Variants in GABRB3 observed in about 807,000 individuals in gnomAD.
The protein encoded by GABRB3 is gamma-aminobutyric acid receptor subunit beta-3.
Under a neutral mutation model 52.1 loss-of-function variants are expected in GABRB3, and 14 were observed. That is an observed-to-expected ratio of 0.27 (90% CI 0.18 to 0.42). The LOEUF (loss-of-function observed/expected upper bound fraction) is 0.42, where lower values mean the gene tolerates loss of function less well. Ranked by LOEUF, GABRB3 falls within the 10% of genes least tolerant of loss-of-function variation. The pLI, the probability that GABRB3 is intolerant of heterozygous loss-of-function variation, is 1.00. For missense variants in GABRB3, 307 were observed against 609.1 expected (o/e 0.50, Z 5.22); for synonymous variants, 260 against 232.3 (o/e 1.12, Z -1.08).
rs775267836 is a variant in GABRB3, at chr15:26,772,794, C to T, written c.81-22G>A. On this transcript the variant is annotated intron_variant, in intron 1 of 8. Transcript: ENST00000311550. ...CACACTGGGGGAGGGACGGGGAGCACAAAGAGCGGGGTCAGGGGCGGCTCA... is the reference window on the plus strand; with the variant it reads ...CACACTGGGGGAGGGACGGGGAGCATAAAGAGCGGGGTCAGGGGCGGCTCA... The T allele has an allele frequency of 5.9e-6, 9 of 1,519,866 alleles. No homozygotes were observed. In the South Asian group the frequency reaches 9.7e-5, roughly 16 times the overall value. The allele number at this position is 1,519,866 out of a possible 1,614,324, so 94.1% of individuals were successfully genotyped here. A position where few individuals can be genotyped will look rare whatever the true frequency, so the allele number is the denominator to read the frequency against.
chr15:26,640,726 T>C (rs1183293302), intron 3 of GABRB3, among the ~76,000 whole-genome samples: 1 of 152,236 alleles, frequency 6.6e-6, no homozygotes, highest in Non-Finnish European at 1.5e-5. Flanking sequence ...ATGTTTCTCA[T>C]TCCTTTGCAG....
chr15:26,664,690 C>CTT (rs1458045917), intron 3 of GABRB3, among the ~76,000 whole-genome samples: 2 of 114,980 alleles, frequency 1.7e-5, no homozygotes, highest in Admixed American at 9.0e-5. Context: ...CTTATCATTT[C>CTT]TTTTCTTTTC....
At chr15:26,604,358 T>C (rs1461332830) in intron 4 of GABRB3, among the ~76,000 whole-genome samples, 2 of 152,160 alleles carry the variant, frequency 1.3e-5, no homozygotes, top group African/African-American at 2.4e-5. Context: ...AATCTACAGA[T>C]TCAATGTAAT....
At chr15:26,684,641 G>A (rs1046818837) in intron 3 of GABRB3, among the ~76,000 whole-genome samples, 2 of 152,100 alleles carry the variant, frequency 1.3e-5, no homozygotes, top group Non-Finnish European at 2.9e-5. Context: ...CCATGGTAGG[G>A]TTATTAACTG....
Position 26,669,395 on chromosome 15 carries a change from A to G in GABRB3, c.241-47861T>C, listed in dbSNP as rs556543456. ...GATTATGCTGGTATCTTCCTCGTTG[A>G]TGTGCAGTGAGCAGTGAATCATATA... On this transcript the variant is annotated intron_variant, in intron 3 of 8. Transcript: ENST00000311550. Among the ~76,000 whole-genome samples the G allele has an allele frequency of 2.0e-5, 3 of 152,248 alleles. No homozygotes were observed. In the South Asian group the frequency reaches 6.2e-4, roughly 32 times the overall value.
chr15:26,589,658 C>G (rs923000420), intron 4 of GABRB3, among the ~76,000 whole-genome samples: 2 of 152,118 alleles, frequency 1.3e-5, no homozygotes, highest in African/African-American at 4.8e-5. Context: ...TTCATTACAC[C>G]TACAAATCAG....
chr15:26,723,911 G>GA (rs564182607), intron 3 of GABRB3, among the ~76,000 whole-genome samples: 222 of 149,076 alleles, frequency 1.5e-3, no homozygotes, highest in African/African-American at 3.8e-3. Flanking sequence ...TTTTCTGTGA[G>GA]AAAAAAAAAA....
At chr15:26,668,033 G>C (rs557417180) in intron 3 of GABRB3, among the ~76,000 whole-genome samples, 2 of 152,250 alleles carry the variant, frequency 1.3e-5, no homozygotes, top group Non-Finnish European at 2.9e-5. Flanking sequence ...AACACCCTGC[G>C]TAACAGTGGT....
chr15:26,585,600 C>G (rs1438862631), intron 4 of GABRB3, among the ~76,000 whole-genome samples: 1 of 152,226 alleles, frequency 6.6e-6, no homozygotes, highest in Non-Finnish European at 1.5e-5. Flanking sequence ...ACATATTTAG[C>G]ACACAGGTCA....
intron 3 of GABRB3, among the ~76,000 whole-genome samples, chr15:26,759,882 A>T (rs930741491): frequency 3.3e-5 from 5 of 152,232 alleles, no homozygotes; most frequent in African/African-American, 1.2e-4. Context: ...TAATAAGGGA[A>T]ATGTTATGCT....
intron 3 of GABRB3, among the ~76,000 whole-genome samples, chr15:26,711,864 CAAGT>C (rs1385240516): frequency 2.0e-5 from 3 of 152,158 alleles, no homozygotes; most frequent in East Asian, 3.9e-4. Context: ...AAAAGTAAAA[CAAGT>C]AAGGGGAGAG....
chr15:26,589,953 C>T lies in GABRB3; in HGVS notation c.462-6539G>A, dbSNP rs147582673. Reference sequence around the variant, plus strand: ...TTAATGTCCCAAATGTAAGAGTCAGCGGGGACACATTCCCGCTAACAAGCA... The same window carrying T: ...TTAATGTCCCAAATGTAAGAGTCAGTGGGGACACATTCCCGCTAACAAGCA... On this transcript the variant is annotated intron_variant, in intron 4 of 8. Coordinates refer to ENST00000311550, the MANE Select transcript of GABRB3 (RefSeq NM_000814.6). 7.9e-5 allele frequency among the ~76,000 whole-genome samples: 12 copies of T among 152,210 alleles called. No individual in the cohort carries two copies. In the East Asian group the frequency reaches 1.4e-3, roughly 17 times the overall value.
chr15:26,629,186 A>T (rs1277114312), intron 3 of GABRB3: 1 of 1,467,268 alleles, frequency 6.8e-7, no homozygotes, highest in African/African-American at 1.4e-5. Context: ...CGGGAGACGG[A>T]GGGCTTTGCG....
intron 8 of GABRB3, among the ~76,000 whole-genome samples, chr15:26,554,080 AAAGTGTATATATGTATAAAGTGTGTG>A (rs1889610005): frequency 1.9e-5 from 2 of 104,534 alleles, no homozygotes; most frequent in African/African-American, 3.5e-5. Flanking sequence ...GTATATATAT[AAAGTGTATATATGTATAAAGTGTGTG>A]TATATATATA....
intron 3 of GABRB3, among the ~76,000 whole-genome samples, chr15:26,722,375 T>C (rs2315904): frequency 0.89 from 134,691 of 151,846 alleles, 59,769 homozygotes; most frequent in East Asian, 0.9. Context: ...ACTAAAACAT[T>C]TCACAAACAC....
chr15:26,577,318 G>C (rs1890627668), intron 6 of GABRB3, among the ~76,000 whole-genome samples: 1 of 152,088 alleles, frequency 6.6e-6, no homozygotes, highest in Admixed American at 6.5e-5. Flanking sequence ...TTCGAGACCA[G>C]CCTGGCCAAC....
At chr15:26,641,878 C>CT (rs1381952347) in intron 3 of GABRB3, among the ~76,000 whole-genome samples, 3 of 151,814 alleles carry the variant, frequency 2.0e-5, no homozygotes. Flanking sequence ...GATTGTTTTA[C>CT]TTTTTCTTCT....
rs558390162 is a variant in GABRB3 at position 26,678,033 on chromosome 15, G to A, written c.241-56499C>T. On this transcript the variant is annotated intron_variant, in intron 3 of 8. Coordinates refer to ENST00000311550, the MANE Select transcript of GABRB3 (RefSeq NM_000814.6). ...CATTTTAGCAATTTGACTAGTGCCA[G>A]TAACAAATCCAAAGAAAAAACAGAG... 3.3e-5 allele frequency among the ~76,000 whole-genome samples: 4 copies of A among 120,672 alleles called. No individual in the cohort carries two copies. In the South Asian group the frequency reaches 9.4e-4, roughly 28 times the overall value. 79.2% of individuals were successfully genotyped at this position (120,672 alleles called of 152,430 possible).
In GABRB3 at chr15:26,548,056, C is replaced by A. The variant is rs373823173; in HGVS notation, c.1159G>T (p.Asp387Tyr). The change falls in exon 9 of 9, where the codon GAT (aspartate) becomes TAT (tyrosine). Residue 387 changes from aspartate to tyrosine, a missense_variant. Transcript: ENST00000311550. Reference sequence around the variant, plus strand: ...AAGGATATTGCTGAATTCCTGGTATCGCCAATGCCGCCTGAGACCTCATTC... The same window carrying A: ...AAGGATATTGCTGAATTCCTGGTATAGCCAATGCCGCCTGAGACCTCATTC... Reference protein sequence around the residue: ...EMNEVSGGIGDTRNSAISFDN... With the variant: ...EMNEVSGGIGYTRNSAISFDN... 1 of 1,614,168 alleles carries A rather than the reference C, an allele frequency of 6.2e-7. No individual in the cohort carries two copies. The highest frequency in any genetic ancestry group is 8.5e-7 in the Non-Finnish European group (1 of 1,180,020).
Sources: gnomAD v4.1 joint callset for allele counts (sites outside exome capture counted in the v4.1 genomes callset) on GRCh38, gnomAD v4.1.1 for gene constraint, MANE v1.5 for transcripts, NCBI Gene and HGNC (gene_info 2026-07-23, HGNC 2026-07-21) for gene names.